Variants in REPS2 observed in about 807,000 individuals in gnomAD.
The protein encoded by REPS2 is RALBP1 associated Eps domain containing 2, also known as ralBP1-associated Eps domain-containing protein 2.
REPS2 carries 23 observed loss-of-function variants against 53.6 expected under a neutral mutation model. That is an observed-to-expected ratio of 0.43 (90% CI 0.31 to 0.61). The LOEUF (loss-of-function observed/expected upper bound fraction) is 0.61, where lower values mean the gene tolerates loss of function less well. REPS2 is among the 20% of genes least tolerant of loss of function. The probability of loss-of-function intolerance (pLI) is 0.11; values close to 1 mark genes in which losing one functional copy is unlikely to be tolerated. For synonymous variants in REPS2, 238 were observed against 218.6 expected, an observed-to-expected ratio of 1.09 and a Z score of -0.78; for missense variants, 446 against 534.9, an observed-to-expected ratio of 0.83 and a Z score of 1.64.
At chrX:17,001,525 G>A (rs1214319585) in intron 1 of REPS2, among the ~76,000 whole-genome samples, 1 of 112,164 alleles carries the variant, frequency 8.9e-6, no homozygotes, top group Non-Finnish European at 1.9e-5. Flanking sequence ...GAACCAAGGG[G>A]GATTGTTCTA....
intron 3 of REPS2, 188 bp downstream of exon 3, chrX:17,022,459 C>T: frequency 2.9e-6 from 1 of 341,459 alleles, no homozygotes; most frequent in Non-Finnish European, 5.2e-6. Flanking sequence ...CACCACCACC[C>T]ACTTAAGGGC....
In REPS2 at chrX:17,102,058, G is replaced by T. The variant is rs773096245; in HGVS notation, c.1517-1660G>T. Among the ~76,000 whole-genome samples the T allele has an allele frequency of 7.3e-4, 61 of 83,020 alleles. No individual in the cohort carries two copies. In the South Asian group the frequency reaches 0.022, roughly 30 times the overall value. The allele number at this position is 83,020 out of a possible 115,157, so 72.1% of individuals were successfully genotyped here. A position where few individuals can be genotyped will look rare whatever the true frequency, so the allele number is the denominator to read the frequency against. On this transcript the variant is annotated intron_variant, in intron 13 of 17. Transcript: ENST00000357277. ...GTTATGTTATGTTATGTTATGTTATGTTATGTTATGTTATGTTATGTTATT... is the reference window on the plus strand; with the variant it reads ...GTTATGTTATGTTATGTTATGTTATTTTATGTTATGTTATGTTATGTTATT...
the REPS2 span, among the ~76,000 whole-genome samples, chrX:17,179,008 C>A: frequency 2.7e-5 from 3 of 111,988 alleles, no homozygotes; most frequent in East Asian, 8.4e-4. Flanking sequence ...CAAATCCAAC[C>A]CTAAGAGATG....
intron 13 of REPS2, among the ~76,000 whole-genome samples, chrX:17,096,756 A>G (rs976403634): frequency 2.7e-5 from 3 of 111,106 alleles, no homozygotes; most frequent in African/African-American, 6.5e-5. Flanking sequence ...AAAAGACCAA[A>G]TAGAACTTCT....
chrX:17,005,318 T>C (rs1361437418), intron 1 of REPS2, among the ~76,000 whole-genome samples: 1 of 111,365 alleles, frequency 9.0e-6, no homozygotes, highest in African/African-American at 3.3e-5. Flanking sequence ...TTAATTATAA[T>C]GTGATACATT....
chrX:17,133,101 T>A (rs113096285), intron 14 of REPS2, among the ~76,000 whole-genome samples: 2,785 of 112,077 alleles, frequency 0.025, 94 homozygotes, highest in African/African-American at 0.087. Flanking sequence ...GCAGAGTTAT[T>A]CCCCTCCTTG....
At chrX:17,165,060 CACAT>C in the REPS2 span, among the ~76,000 whole-genome samples, 1 of 110,611 alleles carries the variant, frequency 9.0e-6, no homozygotes, top group Non-Finnish European at 1.9e-5. Context: ...CACACACACA[CACAT>C]ACACACACAC....
At chrX:17,122,075 T>C (rs1472690190) in intron 14 of REPS2, among the ~76,000 whole-genome samples, 4 of 111,124 alleles carry the variant, frequency 3.6e-5, no homozygotes, top group Non-Finnish European at 7.5e-5. Context: ...TGAAGTATAA[T>C]TGCATATAGA....
At chrX:17,182,148 A>G in the REPS2 span, among the ~76,000 whole-genome samples, 520 of 96,659 alleles carry the variant, frequency 5.4e-3, 1 homozygote, top group Admixed American at 9.7e-3. Flanking sequence ...CTGTCTATCT[A>G]TCTATCTATC....
chrX:17,015,364 G>T (rs886710434), intron 2 of REPS2, among the ~76,000 whole-genome samples: 2 of 111,844 alleles, frequency 1.8e-5, no homozygotes, highest in Non-Finnish European at 3.8e-5. Flanking sequence ...AATTCTGTAA[G>T]ACAAGGGTCA....
At chrX:16,987,107 TA>T (rs1294165809) in intron 1 of REPS2, among the ~76,000 whole-genome samples, 5 of 109,735 alleles carry the variant, frequency 4.6e-5, no homozygotes, top group African/African-American at 1.3e-4. Context: ...TTAATTAATT[TA>T]TTTTTTTGTA....
chrX:17,144,790 A>G (rs1344902501), intron 17 of REPS2, among the ~76,000 whole-genome samples: 1 of 112,066 alleles, frequency 8.9e-6, no homozygotes, highest in Non-Finnish European at 1.9e-5. Flanking sequence ...GTGACTGTGC[A>G]TTAGAGGAAG....
chrX:17,108,613 T>C (rs1271944743), intron 14 of REPS2, among the ~76,000 whole-genome samples: 1 of 111,890 alleles, frequency 8.9e-6, no homozygotes, highest in African/African-American at 3.3e-5. Context: ...GTAACTATAA[T>C]AAAGAAAAGA....
the REPS2 span, among the ~76,000 whole-genome samples, chrX:17,187,246 T>C: frequency 6.6e-4 from 74 of 111,595 alleles, no homozygotes; most frequent in African/African-American, 2.4e-3. Context: ...TCTTTCATTA[T>C]GGGAGGACGG....
chrX:17,051,191 CATT>C, intron 6 of REPS2, among the ~76,000 whole-genome samples: 1 of 111,508 alleles, frequency 9.0e-6, no homozygotes, highest in East Asian at 2.8e-4. Context: ...GATTGGATCT[CATT>C]ATTTTTTTTT....
chrX:17,160,347 G>C, the REPS2 span, among the ~76,000 whole-genome samples: 5 of 112,460 alleles, frequency 4.4e-5, no homozygotes, highest in Non-Finnish European at 9.4e-5. Flanking sequence ...TCTCTAAAGA[G>C]GTTAAATGTG....
intron 13 of REPS2, among the ~76,000 whole-genome samples, chrX:17,087,547 C>T (rs1031106580): frequency 4.5e-5 from 5 of 112,047 alleles, no homozygotes; most frequent in Non-Finnish European, 9.4e-5. Flanking sequence ...GTGGCATAAG[C>T]AAGGAACTTT....
chrX:17,172,471 G>A, the REPS2 span, among the ~76,000 whole-genome samples: 1 of 111,756 alleles, frequency 8.9e-6, no homozygotes, highest in African/African-American at 3.3e-5. Context: ...ACCTTCTGCC[G>A]TGATTGTAAG....
intron 5 of REPS2, among the ~76,000 whole-genome samples, chrX:17,034,672 T>C (rs1272633328): frequency 1.8e-5 from 2 of 112,372 alleles, no homozygotes; most frequent in Non-Finnish European, 3.8e-5. Flanking sequence ...CAAAACACAT[T>C]CACTTTTCAA....
Sources: allele counts gnomAD v4.1 joint callset (sites outside exome capture counted in the v4.1 genomes callset), GRCh38; gene constraint gnomAD v4.1.1; transcripts MANE v1.5; gene names NCBI Gene and HGNC (gene_info 2026-07-23, HGNC 2026-07-21).